CDH12: variants seen among roughly 807,000 people sequenced by gnomAD.
CDH12 encodes cadherin 12, also known as cadherin-12.
Under a neutral mutation model 74.1 loss-of-function variants are expected in CDH12, and 41 were observed. The ratio of observed to expected loss-of-function variants is 0.55; its 90% confidence interval spans 0.43 to 0.72. The LOEUF is 0.72. CDH12 is among the 30% of genes least tolerant of loss of function. CDH12 has a pLI of 0.00. For synonymous variants in CDH12, 399 were observed against 355.0 expected, an observed-to-expected ratio of 1.12 and a Z score of -1.39; for missense variants, 945 against 977.2, an observed-to-expected ratio of 0.97 and a Z score of 0.44.
At chr5:22,557,698 C>A (rs1387507501) in intron 1 of CDH12, among the ~76,000 whole-genome samples, 1 of 151,914 alleles carries the variant, frequency 6.6e-6, no homozygotes, top group Non-Finnish European at 1.5e-5. Context: ...CAATTACCTA[C>A]AATGATAAAC....
chr5:22,762,794 C>A (rs958625), intron 1 of CDH12, among the ~76,000 whole-genome samples: 126,561 of 151,932 alleles, frequency 0.83, 53,115 homozygotes, highest in East Asian at 0.99. Flanking sequence ...GTATTAGGAC[C>A]ATGGTTATCT....
intron 2 of CDH12, among the ~76,000 whole-genome samples, chr5:22,444,886 GCTT>G (rs1744764064): frequency 6.6e-6 from 1 of 151,702 alleles, no homozygotes; most frequent in African/African-American, 2.4e-5. Flanking sequence ...ACGATATTAT[GCTT>G]CTTGTTTTAG....
intron 1 of CDH12, among the ~76,000 whole-genome samples, chr5:22,628,670 A>G (rs963212518): frequency 7.9e-5 from 12 of 152,304 alleles, no homozygotes; most frequent in African/African-American, 2.9e-4. Context: ...TGAACAACAT[A>G]ACATTACACT....
At chr5:22,559,569 A>G (rs1738951555) in intron 1 of CDH12, among the ~76,000 whole-genome samples, 1 of 152,202 alleles carries the variant, frequency 6.6e-6, no homozygotes, top group African/African-American at 2.4e-5. Flanking sequence ...AACCAGCAAG[A>G]CAAAGAGGAG....
intron 6 of CDH12, among the ~76,000 whole-genome samples, chr5:21,896,047 G>T (rs1579926670): frequency 1.3e-5 from 2 of 152,132 alleles, no homozygotes; most frequent in South Asian, 4.1e-4. Context: ...TTGAATTAAA[G>T]CCCTGAGAGA....
intron 1 of CDH12, among the ~76,000 whole-genome samples, chr5:22,775,993 G>A (rs892508253): frequency 7.9e-5 from 12 of 152,056 alleles, no homozygotes; most frequent in African/African-American, 2.9e-4. Flanking sequence ...CTGCCACCAT[G>A]TAAGAAGTGC....
Position 21,880,535 on chromosome 5 carries a change from T to TCCTTCC in CDH12, c.527-25746_527-25745insGGAAGG, listed in dbSNP as rs1752208135. ...CCTCCCTCTTTTCTTTCTTCCTTCT[T>TCCTTCC]TTCCTTCCTTCCTTCCTTCCTTCCT... On this transcript the variant is annotated intron_variant, in intron 6 of 14. Transcript: ENST00000382254. Among the ~76,000 whole-genome samples the TCCTTCC allele has an allele frequency of 2.9e-4, 9 of 31,384 alleles. 2 individuals are homozygous for TCCTTCC. Among genetic ancestry groups the TCCTTCC allele is most frequent in the Non-Finnish European group, 9.2e-4 (9 of 9,760 alleles). 20.6% of individuals were successfully genotyped at this position (31,384 alleles called of 152,430 possible).
intron 4 of CDH12, chr5:22,172,251 C>T (rs1378705732): frequency 6.6e-6 from 1 of 151,840 alleles, no homozygotes; most frequent in Non-Finnish European, 1.5e-5. Flanking sequence ...CCAAGGCAAA[C>T]TGACTTAATT....
At chr5:22,017,244 C>T (rs1737663862) in intron 5 of CDH12, among the ~76,000 whole-genome samples, 1 of 152,064 alleles carries the variant, frequency 6.6e-6, no homozygotes, top group Non-Finnish European at 1.5e-5. Flanking sequence ...ACAAAAACAG[C>T]TCAAAAAGAC....
intron 5 of CDH12, among the ~76,000 whole-genome samples, chr5:22,065,748 G>A (rs1264028527): frequency 6.6e-6 from 1 of 152,134 alleles, no homozygotes; most frequent in African/African-American, 2.4e-5. Context: ...ATTGGGAAAT[G>A]TAAATGCAAT....
intron 10 of CDH12, among the ~76,000 whole-genome samples, chr5:21,796,833 A>C (rs556025469): frequency 6.6e-6 from 1 of 152,118 alleles, no homozygotes; most frequent in African/African-American, 2.4e-5. Context: ...TGGATAATCA[A>C]CAGTTTTAAC....
At chr5:22,106,994 C>T (rs1408938411) in intron 4 of CDH12, among the ~76,000 whole-genome samples, 1 of 152,136 alleles carries the variant, frequency 6.6e-6, no homozygotes, top group Non-Finnish European at 1.5e-5. Flanking sequence ...TTGTTCATTT[C>T]CCTTGGACTT....
intron 6 of CDH12, among the ~76,000 whole-genome samples, chr5:21,907,022 C>A (rs1753671716): frequency 6.6e-6 from 1 of 152,102 alleles, no homozygotes; most frequent in African/African-American, 2.4e-5. Flanking sequence ...AAAGCAGCAG[C>A]GACTGCGCTA....
intron 3 of CDH12, among the ~76,000 whole-genome samples, chr5:22,352,117 C>G (rs1323157409): frequency 6.6e-6 from 1 of 150,646 alleles, no homozygotes; most frequent in Non-Finnish European, 1.5e-5. Flanking sequence ...GAATCATTTG[C>G]TTAGACTTGT....
chr5:22,650,523 ATCAT>A (rs1468874764), intron 1 of CDH12, among the ~76,000 whole-genome samples: 1 of 152,024 alleles, frequency 6.6e-6, no homozygotes, highest in Non-Finnish European at 1.5e-5. Context: ...TCAACACAAA[ATCAT>A]ATGTACACAC....
chr5:22,776,614 A>G (rs1433260056), intron 1 of CDH12, among the ~76,000 whole-genome samples: 2 of 152,312 alleles, frequency 1.3e-5, no homozygotes, highest in African/African-American at 4.8e-5. Flanking sequence ...TTAGAGAAAC[A>G]GGATTCTTCT....
chr5:21,986,467 T>C (rs1030672867), intron 5 of CDH12, among the ~76,000 whole-genome samples: 2 of 152,184 alleles, frequency 1.3e-5, no homozygotes, highest in Non-Finnish European at 2.9e-5. Context: ...CTATAAAAGT[T>C]GGAGAGGTCA....
At chr5:22,440,215 T>C (rs1288060820) in intron 2 of CDH12, among the ~76,000 whole-genome samples, 1 of 152,062 alleles carries the variant, frequency 6.6e-6, no homozygotes, top group Non-Finnish European at 1.5e-5. Context: ...CTTAAAATAA[T>C]TTTGTTCAGA....
chr5:22,716,450 G>C (rs560488716), intron 1 of CDH12, among the ~76,000 whole-genome samples: 1 of 152,146 alleles, frequency 6.6e-6, no homozygotes. Context: ...GAGGATGCTG[G>C]TGTGAACAAA....
Sources: allele counts gnomAD v4.1 joint callset (sites outside exome capture counted in the v4.1 genomes callset), GRCh38; gene constraint gnomAD v4.1.1; transcripts MANE v1.5; gene names NCBI Gene and HGNC (gene_info 2026-07-23, HGNC 2026-07-21).